The following RAB3C variants were observed in gnomAD, a reference collection of about 807,000 sequenced individuals.
The protein encoded by RAB3C is RAB3C, member RAS oncogene family, also known as ras-related protein Rab-3C.
A neutral mutation model predicts 26.4 loss-of-function variants in RAB3C; 17 were observed. The ratio of observed to expected loss-of-function variants is 0.64; its 90% CI spans 0.44 to 0.97. The LOEUF (loss-of-function observed/expected upper bound fraction) is 0.97, where lower values mean the gene tolerates loss of function less well. Ranked by LOEUF, RAB3C falls within the 50% of genes least tolerant of loss-of-function variation. The pLI is 0.00. For missense variants in RAB3C, 242 were observed against 281.9 expected (o/e 0.86, Z 1.01); for synonymous variants, 91 against 95.9 (o/e 0.95, Z 0.30).
At chr5:58,826,730 A>G (rs796762939) in intron 4 of RAB3C, among the ~76,000 whole-genome samples, 7 of 152,296 alleles carry the variant, frequency 4.6e-5, no homozygotes, top group African/African-American at 1.4e-4. Context: ...GGTGGTCCCA[A>G]CCCACTAAGT....
intron 3 of RAB3C, among the ~76,000 whole-genome samples, chr5:58,757,941 T>TG (rs1361545639): frequency 6.6e-6 from 1 of 151,954 alleles, no homozygotes; most frequent in Non-Finnish European, 1.5e-5. Context: ...GTTGTTTTGT[T>TG]TTGTTTTGTT....
rs1744318802 is a variant in RAB3C at position 58,858,723 on chromosome 5, A to G, written c.*7372A>G. The G allele has an allele frequency of 6.6e-6, 1 of 152,208 alleles. No individual in the cohort carries two copies. Among genetic ancestry groups the G allele is most frequent in the African/African-American group, 2.4e-5 (1 of 41,468 alleles). The allele number at this position is 152,208 out of a possible 1,614,324, so 9.4% of individuals were successfully genotyped here. On this transcript the variant is annotated 3_prime_UTR_variant, in exon 5 of 5. Transcript: ENST00000282878. ...AGCTATAGATCATTGTTTTCTTAAG[A>G]CAGCCAAACTGGCCCTTTGAAACCA... is the stretch of plus-strand genomic sequence containing the variant.
intron 3 of RAB3C, chr5:58,822,549 C>T (rs1743367401): frequency 9.9e-6 from 2 of 201,906 alleles, no homozygotes; most frequent in East Asian, 1.2e-4. Context: ...TTAAGAGATA[C>T]CAAGTGAAAT....
At chr5:58,649,394 G>A (rs1370197957) in intron 2 of RAB3C, among the ~76,000 whole-genome samples, 1 of 151,786 alleles carries the variant, frequency 6.6e-6, no homozygotes, top group Non-Finnish European at 1.5e-5. Context: ...TGCTTGCTGT[G>A]GTCACTGACC....
At chr5:58,648,808 A>T (rs1447280325) in intron 2 of RAB3C, among the ~76,000 whole-genome samples, 1 of 152,198 alleles carries the variant, frequency 6.6e-6, no homozygotes, top group African/African-American at 2.4e-5. Context: ...AATGCAATAA[A>T]ATTTAATTCT....
chr5:58,689,286 C>G (rs944203125), intron 2 of RAB3C: 3 of 152,036 alleles, frequency 2.0e-5, no homozygotes, highest in African/African-American at 4.8e-5. Context: ...TTATCCTGCT[C>G]CCTGGTGCCA....
intron 2 of RAB3C, among the ~76,000 whole-genome samples, chr5:58,647,407 A>C (rs142377190): frequency 6.6e-6 from 1 of 152,122 alleles, no homozygotes; most frequent in Non-Finnish European, 1.5e-5. Context: ...TTATAAAACC[A>C]TCAGATCTCG....
At chr5:58,634,874 T>C (rs1039988953) in intron 2 of RAB3C, among the ~76,000 whole-genome samples, 8 of 152,098 alleles carry the variant, frequency 5.3e-5, no homozygotes, top group Non-Finnish European at 1.2e-4. Context: ...AGGTTGCTGA[T>C]CCTCTTCGCA....
intron 3 of RAB3C, among the ~76,000 whole-genome samples, chr5:58,808,490 TTA>T (rs1742996129): frequency 6.6e-6 from 1 of 152,194 alleles, no homozygotes. Flanking sequence ...CCCAACCTTA[TTA>T]TTTTAGGTTG....
In RAB3C at chr5:58,855,637, T is replaced by C. The variant is rs1376511179; in HGVS notation, c.*4286T>C. On this transcript the variant is annotated 3_prime_UTR_variant, in exon 5 of 5. Coordinates refer to ENST00000282878, the MANE Select transcript of RAB3C (RefSeq NM_138453.4). ...CTGTAAAATGGTGAAGTCTTTCTGATATGCTGAACCTTTGAGCCAGCTTTT... is the reference window on the plus strand; with the variant it reads ...CTGTAAAATGGTGAAGTCTTTCTGACATGCTGAACCTTTGAGCCAGCTTTT... The C allele has an allele frequency of 6.6e-6, 1 of 152,226 alleles. No individual in the cohort carries two copies. The highest frequency in any genetic ancestry group is 2.4e-5 in the African/African-American group (1 of 41,468). 9.4% of individuals were successfully genotyped at this position (152,226 alleles called of 1,614,324 possible).
chr5:58,825,882 G>T (rs116655154), intron 4 of RAB3C, among the ~76,000 whole-genome samples: 4,025 of 152,290 alleles, frequency 0.026, 79 homozygotes, highest in Non-Finnish European at 0.042. Context: ...GGTACTCGTT[G>T]TATGCTTTAT....
chr5:58,695,934 C>A (rs1008174749), intron 2 of RAB3C, among the ~76,000 whole-genome samples: 1 of 152,170 alleles, frequency 6.6e-6, no homozygotes, highest in Non-Finnish European at 1.5e-5. Context: ...TGCCTGATTG[C>A]CCTGGCCAGA....
At chr5:58,767,798 T>C (rs1051868401) in intron 3 of RAB3C, among the ~76,000 whole-genome samples, 5 of 152,026 alleles carry the variant, frequency 3.3e-5, no homozygotes, top group African/African-American at 1.2e-4. Context: ...GGGGATAAAA[T>C]AGAGAACACG....
intron 4 of RAB3C, among the ~76,000 whole-genome samples, chr5:58,841,935 T>C (rs955111164): frequency 6.6e-6 from 1 of 152,128 alleles, no homozygotes; most frequent in Non-Finnish European, 1.5e-5. Flanking sequence ...GTATTTCTTA[T>C]CCTATTGAGC....
chr5:58,587,436 A>G (rs557515327), intron 1 of RAB3C, among the ~76,000 whole-genome samples: 2 of 152,200 alleles, frequency 1.3e-5, no homozygotes, highest in South Asian at 4.1e-4. Flanking sequence ...AATGTGGCTC[A>G]GAGGTTCTGT....
At chr5:58,742,502 C>T (rs1741297383) in intron 3 of RAB3C, among the ~76,000 whole-genome samples, 1 of 152,134 alleles carries the variant, frequency 6.6e-6, no homozygotes, top group African/African-American at 2.4e-5. Context: ...AGATTTGCTG[C>T]CTGGTATTCA....
At chr5:58,740,435 A>G (rs1303346613) in intron 3 of RAB3C, among the ~76,000 whole-genome samples, 1 of 152,166 alleles carries the variant, frequency 6.6e-6, no homozygotes, top group African/African-American at 2.4e-5. Flanking sequence ...CTCAGCCACC[A>G]TGTTCATGGG....
At chr5:58,715,217 T>C (rs2111902793) in intron 2 of RAB3C, among the ~76,000 whole-genome samples, 1 of 152,098 alleles carries the variant, frequency 6.6e-6, no homozygotes, top group South Asian at 2.1e-4. Context: ...ACAGGCTGAG[T>C]TTCCTGTGCA....
chr5:58,838,535 TTTA>T (rs1743799248), intron 4 of RAB3C, among the ~76,000 whole-genome samples: 1 of 152,232 alleles, frequency 6.6e-6, no homozygotes, highest in Admixed American at 6.5e-5. Flanking sequence ...CTAATTTTGT[TTTA>T]TTGTGGTCAG....
Sources: allele counts gnomAD v4.1 joint callset (sites outside exome capture counted in the v4.1 genomes callset), GRCh38; gene constraint gnomAD v4.1.1; transcripts MANE v1.5; gene names NCBI Gene and HGNC (gene_info 2026-07-23, HGNC 2026-07-21).